Variants in SLC25A14 observed in about 807,000 individuals in gnomAD.
SLC25A14 encodes brain mitochondrial carrier protein 1.
SLC25A14 carries 8 observed loss-of-function variants against 28.1 expected under a neutral mutation model. The ratio of observed to expected loss-of-function variants is 0.28; its 90% CI spans 0.17 to 0.51. SLC25A14 has a LOEUF of 0.51. SLC25A14 is among the 20% of genes least tolerant of loss of function. SLC25A14 has a pLI of 0.97. For synonymous variants in SLC25A14, 74 were observed against 90.6 expected, an observed-to-expected ratio of 0.82 and a Z score of 1.04; for missense variants, 135 against 263.8, an observed-to-expected ratio of 0.51 and a Z score of 3.38.
chrX:130,358,943 A>G (rs932993809), intron 7 of SLC25A14: 4 of 800,864 alleles, frequency 5.0e-6, no homozygotes, highest in Non-Finnish European at 7.3e-6. Context: ...GAAAGTTATT[A>G]CATTATTTGA....
intron 9 of SLC25A14, among the ~76,000 whole-genome samples, chrX:130,369,033 A>T (rs1232414791): frequency 8.9e-6 from 1 of 112,485 alleles, no homozygotes; most frequent in East Asian, 2.8e-4. Context: ...TATTTTGTCT[A>T]TGCTTATCTA....
intron 2 of SLC25A14, among the ~76,000 whole-genome samples, chrX:130,342,916 G>A (rs1272409099): frequency 1.9e-5 from 2 of 106,979 alleles, no homozygotes; most frequent in Non-Finnish European, 3.8e-5. Context: ...TTTTCATTTC[G>A]CCCCAGAATT....
intron 9 of SLC25A14, among the ~76,000 whole-genome samples, chrX:130,369,257 C>A (rs2034205559): frequency 9.1e-6 from 1 of 110,425 alleles, no homozygotes; most frequent in South Asian, 3.9e-4. Context: ...GCACTCCAGT[C>A]TAGGCGACAG....
intron 7 of SLC25A14, among the ~76,000 whole-genome samples, chrX:130,360,955 C>A (rs2033949498): frequency 9.0e-6 from 1 of 111,492 alleles, no homozygotes. Context: ...TCCCCTAGCC[C>A]CTGGCAACCC....
chrX:130,372,884 T>C lies in SLC25A14; in HGVS notation c.937-25T>C, dbSNP rs368458648. ...GCTTTGGCTTTCGATATCAACCTGGTGATCTTCCTTGACTTACTCCTCAGT... is the reference window on the plus strand; with the variant it reads ...GCTTTGGCTTTCGATATCAACCTGGCGATCTTCCTTGACTTACTCCTCAGT... On this transcript the variant is annotated intron_variant, in intron 10 of 10. Transcript: ENST00000545805. 2.7e-5 allele frequency: 30 copies of C among 1,113,166 alleles called. No homozygotes were observed. The African/African-American group carries it at 5.1e-4, about 19-fold the overall frequency. The allele number at this position is 1,113,166 out of a possible 1,213,427, so 91.7% of individuals were successfully genotyped here. A position where few individuals can be genotyped will look rare whatever the true frequency, so the allele number is the denominator to read the frequency against.
chrX:130,349,283 A>G lies in SLC25A14; in HGVS notation c.350A>G (p.Tyr117Cys). The change falls in exon 5 of 11, where the codon TAT (tyrosine) becomes TGT (cysteine). Residue 117 changes from tyrosine (Y) to cysteine (C), a missense_variant. Transcript: ENST00000545805. ...CCTGCGTTGCTAAGACAAGCATCAT[A>G]TGGCACCATTAAAATTGGGATTTAC... ...IAPALLRQAS[Y>C]GTIKIGIYQS... 3 of 1,201,987 alleles carry G rather than the reference A, an allele frequency of 2.5e-6. No homozygotes were observed. Among genetic ancestry groups the G allele is most frequent in the Non-Finnish European group, 3.4e-6 (3 of 888,710 alleles).
intron 8 of SLC25A14, chrX:130,365,277 T>C: frequency 1.1e-6 from 1 of 915,508 alleles, no homozygotes; most frequent in Non-Finnish European, 1.3e-6. Flanking sequence ...TGGTGCATGA[T>C]ACTTTCTACT....
At chrX:130,357,339 A>G (rs2033823741) in intron 6 of SLC25A14, among the ~76,000 whole-genome samples, 1 of 111,975 alleles carries the variant, frequency 8.9e-6, no homozygotes, top group African/African-American at 3.2e-5. Flanking sequence ...TTGATTCATT[A>G]TGGCTTTTTG....
chrX:130,347,587 G>A, intron 4 of SLC25A14, among the ~76,000 whole-genome samples: 1 of 111,763 alleles, frequency 8.9e-6, no homozygotes, highest in African/African-American at 3.2e-5. Context: ...CCAGTTTAAA[G>A]GAGAACTTAA....
rs1442403476 is a variant in SLC25A14 at position 130,346,584 on chromosome X, T to G, written c.210T>G (p.Val70=). The stretch of plus-strand genomic sequence containing the variant: ...ACCTTACCAAAACACGACTTCAGGT[T>G]CAAGGCCAAAGCATTGATGCCCGTT... ...PVDLTKTRLQ[V]QGQSIDARFK... The change falls in exon 4 of 11, where the codon GTT becomes GTG. Residue 70 remains valine (V), a synonymous_variant. Transcript: ENST00000545805. 1 of 1,208,696 alleles carries G rather than the reference T, an allele frequency of 8.3e-7. No homozygotes were observed. Among genetic ancestry groups the G allele is most frequent in the Non-Finnish European group, 1.1e-6 (1 of 892,644 alleles).
At chrX:130,359,745 AAGAAT>A (rs1350159600) in intron 7 of SLC25A14, among the ~76,000 whole-genome samples, 5 of 111,700 alleles carry the variant, frequency 4.5e-5, no homozygotes, top group African/African-American at 1.6e-4. Context: ...GAAAAATTGA[AAGAAT>A]AGAACTATGA....
intron 6 of SLC25A14, among the ~76,000 whole-genome samples, chrX:130,352,818 C>T (rs2033658430): frequency 8.9e-6 from 1 of 112,008 alleles, no homozygotes; most frequent in Admixed American, 9.5e-5. Context: ...ACCAGATTTT[C>T]ATCAGATGCA....
chrX:130,343,487 G>T (rs2033329865), intron 2 of SLC25A14, among the ~76,000 whole-genome samples: 1 of 111,927 alleles, frequency 8.9e-6, no homozygotes, highest in South Asian at 3.7e-4. Context: ...ATCTATCCCA[G>T]ACTCTATATG....
chrX:130,356,198 A>G (rs2033782343), intron 6 of SLC25A14, among the ~76,000 whole-genome samples: 1 of 99,824 alleles, frequency 1.0e-5, no homozygotes, highest in Non-Finnish European at 2.0e-5. Flanking sequence ...CTTAGCTAGA[A>G]TTCTTCTGCA....
chrX:130,362,101 TTTTATTTATTTATTTATTTATTTA>T (rs756869110), intron 7 of SLC25A14, among the ~76,000 whole-genome samples: 4 of 95,738 alleles, frequency 4.2e-5, no homozygotes, highest in Admixed American at 1.1e-4. Context: ...TTCCACTTCA[TTTTATTTATTTATTTATTTATTTA>T]TTTATTTATT....
At chrX:130,358,016 T>C (rs1055462893) in intron 6 of SLC25A14, among the ~76,000 whole-genome samples, 10 of 112,110 alleles carry the variant, frequency 8.9e-5, no homozygotes, top group African/African-American at 3.2e-4. Flanking sequence ...AAGAGAAAAA[T>C]GCTTACTTGT....
intron 9 of SLC25A14, among the ~76,000 whole-genome samples, chrX:130,370,527 C>T (rs750588376): frequency 8.9e-6 from 1 of 112,133 alleles, no homozygotes; most frequent in South Asian, 3.7e-4. Context: ...ATTTAATTCT[C>T]ATAACCATGT....
chrX:130,360,991 T>A (rs559429200), intron 7 of SLC25A14, among the ~76,000 whole-genome samples: 5 of 112,008 alleles, frequency 4.5e-5, no homozygotes, highest in African/African-American at 1.6e-4. Flanking sequence ...TCTCTATCAA[T>A]TTGACTATTA....
At chrX:130,352,006 A>C (rs1358779497) in intron 6 of SLC25A14, among the ~76,000 whole-genome samples, 3 of 111,222 alleles carry the variant, frequency 2.7e-5, no homozygotes, top group African/African-American at 9.8e-5. Flanking sequence ...TTGGGATATG[A>C]ATGATCCCAT....
Sources: allele counts gnomAD v4.1 joint callset (sites outside exome capture counted in the v4.1 genomes callset), GRCh38; gene constraint gnomAD v4.1.1; transcripts MANE v1.5; gene names NCBI Gene and HGNC (gene_info 2026-07-23, HGNC 2026-07-21).